The following PLA2G4F variants were observed in gnomAD, a reference collection of about 807,000 sequenced individuals.
PLA2G4F encodes cytosolic phospholipase A2 zeta.
Under a neutral mutation model 103.1 loss-of-function variants are expected in PLA2G4F, and 105 were observed. The observed-to-expected ratio is 1.02, with a 90% CI of 0.87 to 1.20. PLA2G4F has a LOEUF of 1.20. Among genes scored for constraint, PLA2G4F ranks in the 50% most tolerant of loss-of-function variants. The pLI, the probability that PLA2G4F is intolerant of heterozygous loss-of-function variation, is 0.00. For synonymous variants in PLA2G4F, 468 were observed against 441.1 expected, an observed-to-expected ratio of 1.06 and a Z score of -0.76; for missense variants, 1,155 against 1,075.9, an observed-to-expected ratio of 1.07 and a Z score of -1.03.
Position 42,145,581 on chromosome 15 carries a change from T to C in PLA2G4F, c.1774A>G (p.Ile592Val). ...TCGGGGTCGCTACCCTCACCTGTGATATTCACACTGCCTCTGTACCACTCC... is the reference window on the plus strand; with the variant it reads ...TCGGGGTCGCTACCCTCACCTGTGACATTCACACTGCCTCTGTACCACTCC... ...FLEWYRGSVN[I>V]TDDCQKPQLH... The change falls in exon 16 of 20, where the codon ATC becomes GTC. Residue 592 changes from isoleucine (I) to valine (V), a missense_variant. By Grantham distance (29) the Ile-to-Val change is conservative. Coordinates refer to ENST00000397272, the MANE Select transcript of PLA2G4F (RefSeq NM_213600.4). 1 of 1,613,958 alleles carries C rather than the reference T, an allele frequency of 6.2e-7. No individual in the cohort carries two copies. The highest frequency in any genetic ancestry group is 8.5e-7 in the Non-Finnish European group (1 of 1,179,896).
intron 5 of PLA2G4F, 53 bp from the exon 6 acceptor site, chr15:42,153,395 C>G: frequency 6.3e-7 from 1 of 1,582,338 alleles, no homozygotes; most frequent in Non-Finnish European, 8.7e-7. Context: ...TCATGATGGC[C>G]TCTACAATCA....
At chr15:42,146,295 C>G (rs1160529036) in intron 13 of PLA2G4F, 54 bp from the exon 14 acceptor site, 1 of 1,542,532 alleles carries the variant, frequency 6.5e-7, no homozygotes, top group Admixed American at 1.7e-5. Context: ...CATTCCCCAT[C>G]CCCGTGGCCT....
At chr15:42,144,204 T>C in intron 17 of PLA2G4F, 60 bp from the exon 18 acceptor site, 1 of 1,527,418 alleles carries the variant, frequency 6.5e-7, no homozygotes, top group Non-Finnish European at 8.9e-7. Context: ...TAGCAACCGC[T>C]TCTGTATTTG....
intron 11 of PLA2G4F, chr15:42,148,607 ATTGTCCCCCG>A: frequency 1.0e-6 from 1 of 983,884 alleles, no homozygotes; most frequent in Non-Finnish European, 1.2e-6. Context: ...GAGGAACTAA[ATTGTCCCCCG>A]TTGAGCACCA....
intron 18 of PLA2G4F, 148 bp from the exon 19 acceptor site, chr15:42,142,862 G>T: frequency 1.2e-6 from 1 of 823,714 alleles, no homozygotes; most frequent in Non-Finnish European, 1.9e-6. Context: ...TTCTGAGCTG[G>T]TTTCTCATGT....
In PLA2G4F at chr15:42,145,624, G is replaced by T. The variant is rs1409770955; in HGVS notation, c.1731C>A (p.Gly577=). 6.2e-7 allele frequency: 1 copy of T among 1,614,110 alleles called. No individual in the cohort carries two copies. Among genetic ancestry groups the T allele is most frequent in the Admixed American group, 1.7e-5 (1 of 60,024 alleles). Residue 577 remains glycine, a synonymous_variant, in exon 16 of 20, where the codon GGC becomes GGA. Coordinates refer to ENST00000397272, the MANE Select transcript of PLA2G4F (RefSeq NM_213600.4). ...SLDEIFLKTA[G]SGLSFLEWYR... ...ACCACTCCAGGAAGCTGAGGCCCGA[G>T]CCGGCGGTCTTTAGGAAGATCTCAT...
intron 1 of PLA2G4F, among the ~76,000 whole-genome samples, chr15:42,156,067 C>T (rs749337837): frequency 3.9e-4 from 60 of 152,128 alleles, no homozygotes; most frequent in Non-Finnish European, 6.2e-4. Flanking sequence ...CGGCCGGTAC[C>T]GGTCTGACGA....
rs144516011 is a variant in PLA2G4F, at chr15:42,156,511, C to G, written c.39G>C (p.Lys13Asn). The G allele has an allele frequency of 4.5e-6, 7 of 1,558,118 alleles. No individual in the cohort carries two copies. The African/African-American group carries it at 6.8e-5, about 15-fold the overall frequency. Residue 13 changes from lysine to asparagine, a missense_variant, in exon 1 of 20, where the codon AAG (lysine) becomes AAC (asparagine). Lys to Asn is a moderately conservative substitution (Grantham distance 94). Around this residue, in one of 3 missense-constraint regions of PLA2G4F, gnomAD observed 370 missense variants for 364.9 expected, o/e 1.01. Transcript: ENST00000397272. Reference sequence around the variant, plus strand: ...GCACTGCCCCCAGGAGGGGCAGCATCTTGTCTGCCAGCCACCTTGGCCAGA... The same window carrying G: ...GCACTGCCCCCAGGAGGGGCAGCATGTTGTCTGCCAGCCACCTTGGCCAGA... ...WALWPRWLADKMLPLLGAVLL... is the reference protein window; with the variant it reads ...WALWPRWLADNMLPLLGAVLL...
At chr15:42,149,989 T>TAG in intron 10 of PLA2G4F, 115 bp downstream of exon 10, 1 of 1,543,798 alleles carries the variant, frequency 6.5e-7, no homozygotes. Flanking sequence ...GAGGGAAAAA[T>TAG]GTCATCCCCA....
chr15:42,143,388 A>G (rs892869825), intron 18 of PLA2G4F, among the ~76,000 whole-genome samples: 3 of 152,138 alleles, frequency 2.0e-5, no homozygotes, highest in South Asian at 2.1e-4. Context: ...ACATGCGACA[A>G]TCACAGAAGG....
In PLA2G4F at chr15:42,144,476, G is replaced by C; in HGVS notation, c.1949C>G (p.Ala650Gly). Residue 650 changes from alanine to glycine, a missense_variant, in exon 17 of 20, where the codon GCT (alanine) becomes GGT (glycine). Transcript: ENST00000397272. ...RGLCLHKDYV[A>G]GREFVAWKDT... ...TTTCCAGGCCACGAACTCCCTGCCA[G>C]CCACATAGTCCTTGTGCAAGCAGAG... 1 of 1,612,224 alleles carries C rather than the reference G, an allele frequency of 6.2e-7. No individual in the cohort carries two copies. Among genetic ancestry groups the C allele is most frequent in the Admixed American group, 1.7e-5 (1 of 60,016 alleles).
intron 11 of PLA2G4F, 97 bp from the exon 12 acceptor site, chr15:42,147,859 C>T (rs781414938): frequency 8.6e-5 from 128 of 1,496,204 alleles, no homozygotes; most frequent in Non-Finnish European, 1.1e-4. Flanking sequence ...GAGTCTTACA[C>T]GTATTATCTC....
intron 5 of PLA2G4F, 53 bp downstream of exon 5, chr15:42,153,567 G>T (rs2048980872): frequency 6.2e-7 from 1 of 1,605,418 alleles, no homozygotes; most frequent in South Asian, 1.1e-5. Flanking sequence ...CCTAGGAGCT[G>T]CCCTGACTCA....
chr15:42,150,900 T>C, intron 7 of PLA2G4F, 123 bp from the exon 8 acceptor site: 1 of 1,475,536 alleles, frequency 6.8e-7, no homozygotes, highest in African/African-American at 1.4e-5. Flanking sequence ...TGCCAGCTCT[T>C]ATCGCCCGCT....
rs749617751 is a variant in PLA2G4F at position 42,145,823 on chromosome 15, G to C, written c.1615C>G (p.Leu539Val). Residue 539 changes from leucine (L) to valine (V), a missense_variant, in exon 15 of 20, where the codon CTC (leucine) becomes GTC (valine). Physicochemically the swap from Leu to Val is conservative, Grantham distance 32. Around this residue, in one of 3 missense-constraint regions of PLA2G4F, gnomAD observed 782 missense variants for 692.9 expected, o/e 1.13. Coordinates refer to ENST00000397272, the MANE Select transcript of PLA2G4F (RefSeq NM_213600.4). Reference sequence around the variant, plus strand: ...AGCTGCAGCAATCGTCCCATGAAGAGTTCTGAGCCGAAGAGCTCGGTGGGA... The same window carrying C: ...AGCTGCAGCAATCGTCCCATGAAGACTTCTGAGCCGAAGAGCTCGGTGGGA... ...YVPTELFGSELFMGRLLQLQP... is the reference protein window; with the variant it reads ...YVPTELFGSEVFMGRLLQLQP... 23 of 1,614,016 alleles carry C rather than the reference G, an allele frequency of 1.4e-5. No homozygotes were observed. Among genetic ancestry groups the C allele is most frequent in the Non-Finnish European group, 1.8e-5 (21 of 1,180,036 alleles).
chr15:42,155,633 C>T (rs1347424536), intron 1 of PLA2G4F, 44 bp from the exon 2 acceptor site: 1 of 1,582,368 alleles, frequency 6.3e-7, no homozygotes, highest in Non-Finnish European at 8.7e-7. Flanking sequence ...TAGTGTGAGC[C>T]TGGTCCCTCG....
At chr15:42,150,852 C>T in intron 7 of PLA2G4F, 75 bp from the exon 8 acceptor site, 2 of 1,533,402 alleles carry the variant, frequency 1.3e-6, no homozygotes, top group South Asian at 1.2e-5. Flanking sequence ...GCTGGCAGCG[C>T]CCCAGCAGCA....
intron 11 of PLA2G4F, among the ~76,000 whole-genome samples, chr15:42,148,181 C>CAA (rs59009245): frequency 0.21 from 18,024 of 85,376 alleles, 1,864 homozygotes; most frequent in Admixed American, 0.36. Flanking sequence ...GACTCCGTCT[C>CAA]AAAAAAAAAA....
At chr15:42,148,177 G>A (rs1422411877) in intron 11 of PLA2G4F, among the ~76,000 whole-genome samples, 27 of 114,010 alleles carry the variant, frequency 2.4e-4, no homozygotes, top group East Asian at 2.3e-3. Flanking sequence ...GCGAGACTCC[G>A]TCTCAAAAAA....
Sources: allele counts gnomAD v4.1 joint callset (sites outside exome capture counted in the v4.1 genomes callset), GRCh38; gene constraint gnomAD v4.1.1; regional missense constraint gnomAD v4.1.1; transcripts MANE v1.5; gene names NCBI Gene and HGNC (gene_info 2026-07-23, HGNC 2026-07-21).